Variants in TRIM37 observed in about 807,000 individuals in gnomAD.
TRIM37 encodes E3 ubiquitin-protein ligase TRIM37.
Under a neutral mutation model 129.8 loss-of-function variants are expected in TRIM37, and 80 were observed. That is an observed-to-expected ratio of 0.62 (90% CI 0.51 to 0.74). The LOEUF is 0.74. Ranked by LOEUF, TRIM37 falls within the 30% of genes least tolerant of loss-of-function variation. TRIM37 has a pLI of 0.00. For missense variants in TRIM37, 1,054 were observed against 1,176.5 expected (o/e 0.90, Z 1.52); for synonymous variants, 389 against 387.1 (o/e 1.00, Z -0.06).
At chr17:59,028,292 C>G in intron 19 of TRIM37, 123 bp downstream of exon 19, 1 of 885,056 alleles carries the variant, frequency 1.1e-6, no homozygotes, top group Non-Finnish European at 1.7e-6. Flanking sequence ...AAAAAAGTCA[C>G]ATGTAATTTG....
chr17:59,077,663 A>T (rs2042921710), intron 7 of TRIM37, among the ~76,000 whole-genome samples: 2 of 151,914 alleles, frequency 1.3e-5, no homozygotes, highest in Admixed American at 1.3e-4. Flanking sequence ...TACAAAAATT[A>T]GCAGGGCGTG....
intron 12 of TRIM37, among the ~76,000 whole-genome samples, chr17:59,060,067 A>C (rs534009172): frequency 6.6e-6 from 1 of 152,172 alleles, no homozygotes; most frequent in Non-Finnish European, 1.5e-5. Context: ...TCTAGACTTC[A>C]GTCTCTGCAG....
At chr17:59,044,147 A>T (rs1016457572) in intron 16 of TRIM37, among the ~76,000 whole-genome samples, 9 of 152,156 alleles carry the variant, frequency 5.9e-5, no homozygotes, top group African/African-American at 2.2e-4. Flanking sequence ...TCTCTACAAA[A>T]TATTAAAAAA....
intron 2 of TRIM37, among the ~76,000 whole-genome samples, chr17:59,098,597 T>C (rs2045138515): frequency 6.7e-6 from 1 of 148,978 alleles, no homozygotes; most frequent in African/African-American, 2.5e-5. Flanking sequence ...CCCAAGAGAT[T>C]GAGGCTGCAG....
chr17:59,106,590 A>C lies in TRIM37; in HGVS notation c.-129T>G. The C allele has an allele frequency of 8.9e-7, 1 of 1,126,522 alleles. No individual in the cohort carries two copies. The highest frequency in any genetic ancestry group is 1.3e-6 in the Non-Finnish European group (1 of 765,530). The allele number at this position is 1,126,522 out of a possible 1,614,324, so 69.8% of individuals were successfully genotyped here. A position where few individuals can be genotyped will look rare whatever the true frequency, so the allele number is the denominator to read the frequency against. ...GGCGCCCACGTCAGGGGGCTCTGAC[A>C]ACCGCCCCACCTGCGCGCCCCATCT... On this transcript the variant is annotated 5_prime_UTR_variant, in exon 1 of 24. Transcript: ENST00000262294.
intron 1 of TRIM37, among the ~76,000 whole-genome samples, chr17:59,104,731 T>TA (rs1250531181): frequency 3.9e-5 from 6 of 152,122 alleles, no homozygotes; most frequent in African/African-American, 1.4e-4. Context: ...CAGTTACACA[T>TA]AGATTACAGT....
Position 59,104,482 on chromosome 17 carries a change from T to C in TRIM37, c.22-88A>G, listed in dbSNP as rs904826688. ...AGCTCAAAACAACTTGACATTTACA[T>C]TTATTTTGGGCTGATCTCTCAATTT... On this transcript the variant is annotated intron_variant, in intron 1 of 23. Transcript: ENST00000262294. 6.0e-6 allele frequency: 7 copies of C among 1,167,406 alleles called. No individual in the cohort carries two copies. The African/African-American group carries it at 1.1e-4, about 18-fold the overall frequency. The allele number at this position is 1,167,406 out of a possible 1,614,324, so 72.3% of individuals were successfully genotyped here. A position where few individuals can be genotyped will look rare whatever the true frequency, so the allele number is the denominator to read the frequency against.
the TRIM37 span, among the ~76,000 whole-genome samples, chr17:58,973,321 G>A: frequency 2.0e-5 from 3 of 151,894 alleles, no homozygotes; most frequent in Non-Finnish European, 2.9e-5. Context: ...GGAGGCTGAG[G>A]CAGGAATATT....
At position 58,998,744 on chromosome 17, in the gene TRIM37, A is replaced by G; in HGVS notation, c.*633T>C. 3 of 985,706 alleles carry G rather than the reference A, an allele frequency of 3.0e-6. No homozygotes were observed. Among genetic ancestry groups the G allele is most frequent in the Middle Eastern group, 5.2e-4 (1 of 1,914 alleles). The allele number at this position is 985,706 out of a possible 1,614,324, so 61.1% of individuals were successfully genotyped here. On this transcript the variant is annotated 3_prime_UTR_variant, in exon 24 of 24. Coordinates refer to ENST00000262294, the MANE Select transcript of TRIM37 (RefSeq NM_015294.6). ...TGTTAACTTAATTTCATTTAAAATT[A>G]CATTTGTAGAAGTCACACAACAGAA...
At chr17:59,065,874 T>C (rs1373326177) in intron 9 of TRIM37, among the ~76,000 whole-genome samples, 2 of 152,218 alleles carry the variant, frequency 1.3e-5, no homozygotes, top group Non-Finnish European at 2.9e-5. Flanking sequence ...TGTAAGTACG[T>C]ATAGCTAAAT....
At chr17:59,046,224 T>C (rs2039780900) in intron 16 of TRIM37, among the ~76,000 whole-genome samples, 1 of 151,966 alleles carries the variant, frequency 6.6e-6, no homozygotes, top group Non-Finnish European at 1.5e-5. Flanking sequence ...GGATGAAAAA[T>C]AGGATATTTA....
intron 8 of TRIM37, among the ~76,000 whole-genome samples, chr17:59,074,015 G>A (rs927491783): frequency 6.6e-6 from 1 of 152,170 alleles, no homozygotes; most frequent in Non-Finnish European, 1.5e-5. Flanking sequence ...CAGTAACACA[G>A]TTGTTTATTA....
intron 22 of TRIM37, among the ~76,000 whole-genome samples, chr17:59,007,618 A>G (rs1051816027): frequency 2.6e-5 from 4 of 151,606 alleles, no homozygotes; most frequent in African/African-American, 9.7e-5. Context: ...AAACTGGCCT[A>G]CCTACAGTTG....
At chr17:59,062,047 C>A (rs2041541269) in intron 11 of TRIM37, among the ~76,000 whole-genome samples, 1 of 151,602 alleles carries the variant, frequency 6.6e-6, no homozygotes, top group Non-Finnish European at 1.5e-5. Flanking sequence ...AAAAAATAAT[C>A]TGAAACTACA....
chr17:59,067,578 T>C (rs2042014892), intron 9 of TRIM37, among the ~76,000 whole-genome samples: 1 of 152,212 alleles, frequency 6.6e-6, no homozygotes, highest in Non-Finnish European at 1.5e-5. Flanking sequence ...AACTTGACTA[T>C]TTCTCCCTGA....
rs1598793656 is a variant in TRIM37, at chr17:58,999,040, C to A, written c.*337G>T. On this transcript the variant is annotated 3_prime_UTR_variant, in exon 24 of 24. Coordinates refer to ENST00000262294, the MANE Select transcript of TRIM37 (RefSeq NM_015294.6). ...TGCCGGGCGGGTTACTGACGGCATG[C>A]AGGGCCTGGAGGTACATTTTCTGGC... 3 of 1,135,008 alleles carry A rather than the reference C, an allele frequency of 2.6e-6. No individual in the cohort carries two copies. Among genetic ancestry groups the A allele is most frequent in the Non-Finnish European group, 2.2e-6 (2 of 919,560 alleles). 70.3% of individuals were successfully genotyped at this position (1,135,008 alleles called of 1,614,324 possible).
intron 17 of TRIM37, among the ~76,000 whole-genome samples, chr17:59,037,873 G>A (rs57581987): frequency 6.6e-6 from 1 of 151,964 alleles, no homozygotes; most frequent in South Asian, 2.1e-4. Context: ...GACTCTTCTG[G>A]TCTATGACAG....
At chr17:58,996,804 G>T (rs914492967), downstream of TRIM37, among the ~76,000 whole-genome samples, 11 of 151,096 alleles carry the variant, frequency 7.3e-5, no homozygotes, top group African/African-American at 1.7e-4. Context: ...GTGTGTGTGT[G>T]TGTGTGTGTG....
At position 59,017,204 on chromosome 17, in the gene TRIM37, G is replaced by A. The variant is rs997634099; in HGVS notation, c.2386+92C>T. ...CAAATCCAACTTTAGCATTTTTGGT[G>A]CCCTTCAAGATCTAAAGCTCCACGA... On this transcript the variant is annotated intron_variant, in intron 20 of 23. Transcript: ENST00000262294. 14 of 1,488,424 alleles carry A rather than the reference G, an allele frequency of 9.4e-6. No individual in the cohort carries two copies. The African/African-American group carries it at 1.8e-4, about 19-fold the overall frequency. 92.2% of individuals were successfully genotyped at this position (1,488,424 alleles called of 1,614,324 possible). A position where few individuals can be genotyped will look rare whatever the true frequency, so the allele number is the denominator to read the frequency against.
Sources: gnomAD v4.1 joint callset for allele counts (sites outside exome capture counted in the v4.1 genomes callset) on GRCh38, gnomAD v4.1.1 for gene constraint, MANE v1.5 for transcripts, NCBI Gene and HGNC (gene_info 2026-07-23, HGNC 2026-07-21) for gene names.